Variants in GPM6A observed in about 807,000 individuals in gnomAD.
The protein encoded by GPM6A is glycoprotein M6A.
A neutral mutation model predicts 32.1 loss-of-function variants in GPM6A; 7 were observed. The ratio of observed to expected loss-of-function variants is 0.22; its 90% CI spans 0.12 to 0.41. GPM6A has a LOEUF of 0.41. Among genes scored for constraint, GPM6A ranks in the 10% least tolerant of loss-of-function variants. The probability of loss-of-function intolerance (pLI) is 1.00; values close to 1 mark genes in which losing one functional copy is unlikely to be tolerated. For synonymous variants in GPM6A, 130 were observed against 123.4 expected (o/e 1.05, Z -0.35); for missense variants, 235 against 347.2 (o/e 0.68, Z 2.57).
At chr4:175,695,468 A>G (rs977766539) in intron 2 of GPM6A, among the ~76,000 whole-genome samples, 24 of 152,200 alleles carry the variant, frequency 1.6e-4, no homozygotes, top group African/African-American at 5.8e-4. Context: ...TGAGACACGA[A>G]GTCAAAGGAA....
chr4:175,824,559 G>T (rs997775848), intron 1 of GPM6A, among the ~76,000 whole-genome samples: 1 of 152,008 alleles, frequency 6.6e-6, no homozygotes, highest in African/African-American at 2.4e-5. Context: ...ATTTCAGTAT[G>T]TCTGATATCC....
intron 1 of GPM6A, among the ~76,000 whole-genome samples, chr4:175,853,038 T>G (rs1043226516): frequency 6.6e-6 from 1 of 152,076 alleles, no homozygotes; most frequent in Non-Finnish European, 1.5e-5. Context: ...TCTAACGTCC[T>G]CTCCTTTAGG....
chr4:175,769,141 A>G (rs994605780), intron 1 of GPM6A, among the ~76,000 whole-genome samples: 7 of 152,152 alleles, frequency 4.6e-5, no homozygotes, highest in African/African-American at 1.7e-4. Flanking sequence ...GTTTTTAGGA[A>G]TATCTATTTT....
At chr4:175,948,616 T>C (rs1739693166) in intron 1 of GPM6A, among the ~76,000 whole-genome samples, 1 of 152,236 alleles carries the variant, frequency 6.6e-6, no homozygotes, top group Non-Finnish European at 1.5e-5. Context: ...CATCAAACTT[T>C]ATATAATTCA....
At chr4:175,925,839 T>TC (rs1738820505) in intron 1 of GPM6A, among the ~76,000 whole-genome samples, 1 of 145,444 alleles carries the variant, frequency 6.9e-6, no homozygotes, top group Admixed American at 6.7e-5. Flanking sequence ...CTCTTTTTTT[T>TC]CTTTTCTTTT....
chr4:175,808,411 T>C lies in GPM6A; in HGVS notation c.37+3780A>G, dbSNP rs185125721. 3.9e-5 allele frequency among the ~76,000 whole-genome samples: 6 copies of C among 152,328 alleles called. No homozygotes were observed. In the East Asian group the frequency reaches 1.2e-3, roughly 29 times the overall value. ...AGATAGATCAACATTAACATTGATA[T>C]GAAAAACAAAGAAAATAAACCTGTA... On this transcript the variant is annotated intron_variant, in intron 1 of 6. Transcript: ENST00000393658.
intron 1 of GPM6A, among the ~76,000 whole-genome samples, chr4:175,838,540 G>T (rs924839457): frequency 2.7e-5 from 4 of 150,802 alleles, no homozygotes; most frequent in African/African-American, 9.7e-5. Context: ...ACAAATATAA[G>T]TAAGTGTTGT....
intron 2 of GPM6A, among the ~76,000 whole-genome samples, chr4:175,683,789 TC>T (rs1212109821): frequency 3.9e-5 from 6 of 152,178 alleles, no homozygotes; most frequent in African/African-American, 1.4e-4. Flanking sequence ...CTATACTTCT[TC>T]TATAGTGTGC....
At chr4:175,923,575 A>T (rs1412632683) in intron 1 of GPM6A, among the ~76,000 whole-genome samples, 3 of 151,586 alleles carry the variant, frequency 2.0e-5, no homozygotes, top group African/African-American at 7.3e-5. Flanking sequence ...TGTTTTTAAG[A>T]CAAGATCGGG....
chr4:175,923,959 T>C (rs1738751949), intron 1 of GPM6A, among the ~76,000 whole-genome samples: 1 of 152,176 alleles, frequency 6.6e-6, no homozygotes, highest in Admixed American at 6.5e-5. Flanking sequence ...TCATTCCTGA[T>C]TTGCCTGGGA....
chr4:175,637,677 A>C (rs1381032122), intron 6 of GPM6A, among the ~76,000 whole-genome samples: 1 of 1,566 alleles, frequency 6.4e-4, no homozygotes, highest in East Asian at 0.011. Context: ...TATATATAAT[A>C]TATATATAAT....
At chr4:175,792,119 T>C (rs1249967057) in intron 1 of GPM6A, among the ~76,000 whole-genome samples, 1 of 152,200 alleles carries the variant, frequency 6.6e-6, no homozygotes, top group African/African-American at 2.4e-5. Flanking sequence ...TAATTTGATC[T>C]CATTATAAAA....
Position 175,893,124 on chromosome 4 carries a change from C to A in GPM6A, c.-22-80875G>T, listed in dbSNP as rs567038783. On this transcript the variant is annotated intron_variant, in intron 1 of 7. Coordinates refer to the GPM6A transcript ENST00000280187. ...GGGTCTCCCCCATGGATAAGACAGG[C>A]ATTGGAGACAGTGATGGTAAACCTA... 2.0e-5 allele frequency among the ~76,000 whole-genome samples: 3 copies of A among 152,190 alleles called. No individual in the cohort carries two copies. The South Asian group carries it at 6.2e-4, about 31-fold the overall frequency.
intron 1 of GPM6A, among the ~76,000 whole-genome samples, chr4:175,777,489 T>C (rs1439124111): frequency 1.3e-5 from 2 of 152,092 alleles, no homozygotes; most frequent in African/African-American, 2.4e-5. Flanking sequence ...ATATAACATG[T>C]AATTGTGAGA....
At chr4:175,750,104 G>C (rs977862296) in intron 1 of GPM6A, among the ~76,000 whole-genome samples, 1 of 152,034 alleles carries the variant, frequency 6.6e-6, no homozygotes, top group Non-Finnish European at 1.5e-5. Context: ...TGTTGCCTAG[G>C]CTGGAGGGCA....
chr4:175,901,614 C>CT (rs967426164), intron 1 of GPM6A, among the ~76,000 whole-genome samples: 1 of 114,220 alleles, frequency 8.8e-6, no homozygotes, highest in Non-Finnish European at 1.8e-5. Flanking sequence ...TTATAATTTT[C>CT]TTTTTTTCTT....
intron 1 of GPM6A, among the ~76,000 whole-genome samples, chr4:175,876,699 A>G (rs1054629155): frequency 2.0e-5 from 3 of 152,196 alleles, no homozygotes; most frequent in Non-Finnish European, 4.4e-5. Context: ...GTTAGTCCAA[A>G]TGAAATGCCA....
At chr4:175,938,291 A>G (rs900140567) in intron 1 of GPM6A, among the ~76,000 whole-genome samples, 1 of 152,172 alleles carries the variant, frequency 6.6e-6, no homozygotes, top group African/African-American at 2.4e-5. Flanking sequence ...GCTGAGTCAA[A>G]TGGTATTTCT....
intron 4 of GPM6A, among the ~76,000 whole-genome samples, chr4:175,650,665 T>G (rs1361288040): frequency 2.0e-5 from 3 of 152,210 alleles, no homozygotes; most frequent in Non-Finnish European, 2.9e-5. Flanking sequence ...ACACGGGGAC[T>G]GAAGGCTTCA....
Sources: allele counts gnomAD v4.1 joint callset (sites outside exome capture counted in the v4.1 genomes callset), GRCh38; gene constraint gnomAD v4.1.1; transcripts MANE v1.5; gene names NCBI Gene and HGNC (gene_info 2026-07-23, HGNC 2026-07-21).